NOL4L: variants seen among roughly 807,000 people sequenced by gnomAD.
NOL4L encodes nucleolar protein 4 like.
Under a neutral mutation model 64.5 loss-of-function variants are expected in NOL4L, and 7 were observed. The observed-to-expected ratio is 0.11, with a 90% CI of 0.06 to 0.20. The LOEUF (loss-of-function observed/expected upper bound fraction) is 0.20, where lower values mean the gene tolerates loss of function less well. Among genes scored for constraint, NOL4L ranks in the 10% least tolerant of loss-of-function variants. The pLI is 1.00. For missense variants in NOL4L, 680 were observed against 967.1 expected (o/e 0.70, Z 3.94); for synonymous variants, 413 against 401.0 (o/e 1.03, Z -0.36).
At chr20:32,503,734 A>C (rs2017016639) in intron 4 of NOL4L, among the ~76,000 whole-genome samples, 1 of 152,248 alleles carries the variant, frequency 6.6e-6, no homozygotes. Flanking sequence ...CTTACAGCAA[A>C]GCTTAACAGC....
In NOL4L at chr20:32,453,186, A is replaced by G. The variant is rs1248515530; in HGVS notation, c.1497+118T>C. The G allele has an allele frequency of 2.1e-6, 3 of 1,416,012 alleles. No homozygotes were observed. In the African/African-American group the frequency reaches 4.3e-5, roughly 20 times the overall value. 87.7% of individuals were successfully genotyped at this position (1,416,012 alleles called of 1,614,324 possible). On this transcript the variant is annotated intron_variant, in intron 8 of 10. Transcript: ENST00000621426. The surrounding 1 kb of genome is among the most constrained non-coding windows in gnomAD (Gnocchi z 5.6). Reference sequence around the variant, plus strand: ...TCATTTGCAAACCAGGGATTATGGTACTTGCTTCCAGGGCTCCTGGGAAGA... The same window carrying G: ...TCATTTGCAAACCAGGGATTATGGTGCTTGCTTCCAGGGCTCCTGGGAAGA...
intron 4 of NOL4L, among the ~76,000 whole-genome samples, chr20:32,498,420 T>TA (rs11482808): frequency 0.35 from 50,935 of 145,308 alleles, 9,653 homozygotes; most frequent in East Asian, 0.81. Flanking sequence ...TCTGTTCTCT[T>TA]AAAAAAAAAA....
chr20:32,543,340 C>T (rs1281629594), intron 1 of NOL4L, among the ~76,000 whole-genome samples: 1 of 152,182 alleles, frequency 6.6e-6, no homozygotes, highest in African/African-American at 2.4e-5. Flanking sequence ...TTAGCTGGGG[C>T]TGGGCACGGT....
chr20:32,488,791 CT>C (rs1162207661), intron 4 of NOL4L, among the ~76,000 whole-genome samples: 19,149 of 52,290 alleles, frequency 0.37, 3,602 homozygotes, highest in East Asian at 0.59. Context: ...TCCTTCCTTC[CT>C]TTCTTTCTTT....
At chr20:32,478,926 C>T (rs2015565336) in intron 4 of NOL4L, among the ~76,000 whole-genome samples, 1 of 152,182 alleles carries the variant, frequency 6.6e-6, no homozygotes, top group African/African-American at 2.4e-5. Context: ...TCTATTAAGC[C>T]TAACTTTTCA....
rs898063385 is a variant in NOL4L at position 32,539,700 on chromosome 20, T to C, written c.322-11787A>G. Among the ~76,000 whole-genome samples the C allele has an allele frequency of 2.0e-5, 3 of 152,182 alleles. No individual in the cohort carries two copies. In the East Asian group the frequency reaches 5.8e-4, roughly 29 times the overall value. On this transcript the variant is annotated intron_variant, in intron 1 of 10. Coordinates refer to ENST00000621426, the MANE Select transcript of NOL4L (RefSeq NM_001256798.2). ...TGTCTCTCTTCTTAACTGGTGATCT[T>C]GGAAAAGTCATTGCCTCTCAGAGTC...
chr20:32,496,095 G>A (rs1264494373), intron 4 of NOL4L, among the ~76,000 whole-genome samples: 2 of 152,122 alleles, frequency 1.3e-5, no homozygotes, highest in Non-Finnish European at 2.9e-5. Flanking sequence ...CACAACACAT[G>A]TGCACCCGGC....
intron 1 of NOL4L, among the ~76,000 whole-genome samples, chr20:32,581,475 G>A (rs985942968): frequency 5.3e-5 from 8 of 152,174 alleles, no homozygotes; most frequent in African/African-American, 2.4e-5. Flanking sequence ...CCACAGCACC[G>A]CATATGGCTG....
intron 5 of NOL4L, among the ~76,000 whole-genome samples, chr20:32,465,777 A>G (rs1212275967): frequency 1.3e-5 from 2 of 152,178 alleles, no homozygotes; most frequent in Admixed American, 6.5e-5. Context: ...GATGACGCCA[A>G]CGCGGCCTGG....
At chr20:32,563,768 C>T (rs941790012) in intron 1 of NOL4L, among the ~76,000 whole-genome samples, 14 of 152,172 alleles carry the variant, frequency 9.2e-5, no homozygotes, top group South Asian at 2.1e-4. Flanking sequence ...CAAGCCATAG[C>T]GCTAGGACTT....
At chr20:32,471,248 A>G (rs1169391473) in intron 5 of NOL4L, among the ~76,000 whole-genome samples, 1 of 150,746 alleles carries the variant, frequency 6.6e-6, no homozygotes, top group Admixed American at 6.6e-5. Flanking sequence ...GTAGAGGCTC[A>G]GAGGCATGCT....
At chr20:32,547,733 T>G (rs2018750387) in intron 1 of NOL4L, among the ~76,000 whole-genome samples, 1 of 152,184 alleles carries the variant, frequency 6.6e-6, no homozygotes, top group South Asian at 2.1e-4. Context: ...GGCTCTGTAC[T>G]GCCTGTCAAA....
intron 3 of NOL4L, among the ~76,000 whole-genome samples, chr20:32,512,261 A>G (rs2017442285): frequency 6.6e-6 from 1 of 152,154 alleles, no homozygotes; most frequent in South Asian, 2.1e-4. Flanking sequence ...CAATTATGAT[A>G]CTTGCCAGAC....
chr20:32,472,401 G>A (rs2015087206), intron 5 of NOL4L, among the ~76,000 whole-genome samples: 1 of 152,222 alleles, frequency 6.6e-6, no homozygotes. Context: ...TTCTGCAATG[G>A]AGACCCTCGG....
chr20:32,505,025 G>A (rs765759044), intron 4 of NOL4L, among the ~76,000 whole-genome samples: 1 of 152,194 alleles, frequency 6.6e-6, no homozygotes, highest in Non-Finnish European at 1.5e-5. Flanking sequence ...GGCAGCCTGA[G>A]GAAGGAAAGA....
intron 4 of NOL4L, among the ~76,000 whole-genome samples, chr20:32,478,951 A>T (rs2015566798): frequency 6.6e-6 from 1 of 152,190 alleles, no homozygotes; most frequent in African/African-American, 2.4e-5. Context: ...CACACAATAC[A>T]AAAATAAGTT....
At chr20:32,510,883 A>G (rs758576155) in intron 4 of NOL4L, among the ~76,000 whole-genome samples, 2 of 152,054 alleles carry the variant, frequency 1.3e-5, no homozygotes, top group Non-Finnish European at 2.9e-5. Flanking sequence ...GGAGGCTTGG[A>G]CGGCCAGGAG....
chr20:32,548,551 C>T (rs769128870), intron 1 of NOL4L: 3 of 167,174 alleles, frequency 1.8e-5, no homozygotes, highest in Non-Finnish European at 3.9e-5. Context: ...AGGGTCATTA[C>T]GAGGGGATGC....
rs954920513 is a variant in NOL4L, at chr20:32,476,485, G to T, written c.700-1743C>A. 5.9e-5 allele frequency among the ~76,000 whole-genome samples: 9 copies of T among 152,218 alleles called. No individual in the cohort carries two copies. The East Asian group carries it at 1.7e-3, about 29-fold the overall frequency. Reference sequence around the variant, plus strand: ...CTTGCTACTTCCTGGATGCCCAGGGGGTGCCATGCTCTGGGTTTGACCTGA... The same window carrying T: ...CTTGCTACTTCCTGGATGCCCAGGGTGTGCCATGCTCTGGGTTTGACCTGA... On this transcript the variant is annotated intron_variant, in intron 4 of 10. Transcript: ENST00000621426.
Sources: gnomAD v4.1 joint callset for allele counts (sites outside exome capture counted in the v4.1 genomes callset) on GRCh38, gnomAD v4.1.1 for gene constraint, Gnocchi (gnomAD v3.1) non-coding constraint, MANE v1.5 for transcripts, NCBI Gene and HGNC (gene_info 2026-07-23, HGNC 2026-07-21) for gene names.